Variants in CAPN7 observed in about 807,000 individuals in gnomAD.
CAPN7 encodes calpain-7.
Under a neutral mutation model 115.2 loss-of-function variants are expected in CAPN7, and 72 were observed. The observed-to-expected ratio is 0.63, with a 90% CI of 0.52 to 0.76. CAPN7 has a LOEUF of 0.76. Among genes scored for constraint, CAPN7 ranks in the 30% least tolerant of loss-of-function variants. The pLI is 0.00. For missense variants in CAPN7, 905 were observed against 971.5 expected (o/e 0.93, Z 0.91); for synonymous variants, 344 against 322.3 (o/e 1.07, Z -0.72).
intron 14 of CAPN7, among the ~76,000 whole-genome samples, 164 bp downstream of exon 14, chr3:15,241,017 C>T (rs528881771): frequency 6.6e-6 from 1 of 152,210 alleles, no homozygotes; most frequent in South Asian, 2.1e-4. Flanking sequence ...CCAGGTTGGG[C>T]AACATGGCAA....
intron 19 of CAPN7, among the ~76,000 whole-genome samples, chr3:15,248,493 A>T (rs981179698): frequency 5.9e-5 from 9 of 152,194 alleles, no homozygotes; most frequent in Non-Finnish European, 1.3e-4. Context: ...TAAAACTATA[A>T]AGCAGAGCAA....
chr3:15,232,504 G>T lies in CAPN7; in HGVS notation c.1033-15G>T. 1 of 1,590,020 alleles carries T rather than the reference G, an allele frequency of 6.3e-7. No individual in the cohort carries two copies. Among genetic ancestry groups the T allele is most frequent in the Non-Finnish European group, 8.5e-7 (1 of 1,170,770 alleles). ...ATTTTGTGCACCTAAGAAGGTTAAT[G>T]TTCTCTTTCTCCAGGTGATAATTGA... is the stretch of plus-strand genomic sequence containing the variant. On this transcript the variant is annotated splice_polypyrimidine_tract_variant and intron_variant, in intron 9 of 20. Transcript: ENST00000253693.
At chr3:15,232,761 G>C in intron 10 of CAPN7, 96 bp downstream of exon 10, 1 of 1,048,558 alleles carries the variant, frequency 9.5e-7, no homozygotes, top group South Asian at 1.9e-5. Context: ...TTGTTTATAG[G>C]GAAAGAGAGC....
At chr3:15,244,504 A>T (rs1011952470) in intron 16 of CAPN7, among the ~76,000 whole-genome samples, 2 of 152,246 alleles carry the variant, frequency 1.3e-5, no homozygotes, top group African/African-American at 4.8e-5. Context: ...ATCCACAGAT[A>T]TGCCAATTCT....
intron 16 of CAPN7, among the ~76,000 whole-genome samples, chr3:15,244,276 TA>T (rs1695528425): frequency 6.6e-6 from 1 of 152,236 alleles, no homozygotes; most frequent in Non-Finnish European, 1.5e-5. Context: ...GCATGGCACA[TA>T]GTAGGTCCAG....
chr3:15,251,159 A>G lies in CAPN7; in HGVS notation c.2341A>G (p.Ile781Val). Residue 781 changes from isoleucine to valine, a missense_variant, in exon 21 of 21, where the codon ATC (isoleucine) becomes GTC (valine). Ile to Val is a conservative substitution (Grantham distance 29). Around this residue, in one of 3 missense-constraint regions of CAPN7, gnomAD observed 620 missense variants for 703.4 expected, o/e 0.88. Transcript: ENST00000253693. ...GGAATTAGAAAATATACCTTCTGGG[A>G]TCTTCAATATCATTCCTAGTACCTT... ...YLELENIPSG[I>V]FNIIPSTFLP... 2 of 1,608,090 alleles carry G rather than the reference A, an allele frequency of 1.2e-6. No homozygotes were observed. Among genetic ancestry groups the G allele is most frequent in the African/African-American group, 1.3e-5 (1 of 74,764 alleles).
At chr3:15,206,907 C>T (rs1184331498) in intron 1 of CAPN7, among the ~76,000 whole-genome samples, 1 of 152,260 alleles carries the variant, frequency 6.6e-6, no homozygotes, top group Admixed American at 6.5e-5. Flanking sequence ...CCAATTCTTG[C>T]TGTCACTTGA....
rs1422752001 is a variant in CAPN7 at position 15,240,780 on chromosome 3, C to T, written c.1579C>T (p.Leu527Phe). The T allele has an allele frequency of 1.2e-6, 2 of 1,611,218 alleles. No individual in the cohort carries two copies. Among genetic ancestry groups the T allele is most frequent in the Admixed American group, 3.3e-5 (2 of 59,754 alleles). ...AATATTTTGGATTTCCTGGGATGAT[C>T]TCTGCCAGTATTATGATGTGATTTA... ...NGIFWISWDD[L>F]CQYYDVIYLS... The change falls in exon 14 of 21, where the codon CTC (leucine) becomes TTC (phenylalanine). Residue 527 changes from leucine to phenylalanine, a missense_variant. Leu to Phe is a conservative substitution (Grantham distance 22). This residue lies in a region of CAPN7 where 620 missense variants were observed against 703.4 expected (regional missense o/e 0.88). Transcript: ENST00000253693.
chr3:15,238,029 AAGG>A (rs1559405707), intron 12 of CAPN7, among the ~76,000 whole-genome samples: 1 of 151,782 alleles, frequency 6.6e-6, no homozygotes, highest in Non-Finnish European at 1.5e-5. Context: ...GTATATATTC[AAGG>A]AGTTTCCTAG....
intron 11 of CAPN7, among the ~76,000 whole-genome samples, chr3:15,234,663 C>T (rs541240786): frequency 6.6e-6 from 1 of 152,262 alleles, no homozygotes; most frequent in South Asian, 2.1e-4. Context: ...AACAGTGATA[C>T]ACATTCGGTT....
In CAPN7 at chr3:15,220,080, A is replaced by G. The variant is rs553493148; in HGVS notation, c.438-701A>G. On this transcript the variant is annotated intron_variant, in intron 4 of 20. Coordinates refer to ENST00000253693, the MANE Select transcript of CAPN7 (RefSeq NM_014296.3). ...GCCAGGCGTGGTGGTAGGCACCTAT[A>G]ATCCCAGCTACTCAGAAGGCTGAGG... 9.2e-5 allele frequency among the ~76,000 whole-genome samples: 14 copies of G among 152,228 alleles called. No individual in the cohort carries two copies. The East Asian group carries it at 2.7e-3, about 29-fold the overall frequency.
intron 12 of CAPN7, among the ~76,000 whole-genome samples, chr3:15,237,218 G>A (rs1224047826): frequency 6.6e-6 from 1 of 151,768 alleles, no homozygotes; most frequent in African/African-American, 2.4e-5. Context: ...CTGTACACAA[G>A]TACTTTACCT....
Position 15,233,952 on chromosome 3 carries a change from CT to C in CAPN7, c.1268del (p.Phe423SerfsTer21). 1 of 1,572,592 alleles carries C rather than the reference CT, an allele frequency of 6.4e-7. No homozygotes were observed. Among genetic ancestry groups the C allele is most frequent in the Non-Finnish European group, 8.7e-7 (1 of 1,145,782 alleles). On this transcript the variant is annotated frameshift_variant, in exon 11 of 21. Transcript: ENST00000253693. LOFTEE classifies it high-confidence loss of function. ...AGCCAAACTTTCAGTAAGGATAATT[CT>C]TTCAGAATGCTTTATCAAAGGTAAA... The part of the protein sequence containing the change: ...SDSQTFSKDN[S>X]FRMLYQRFHK...
intron 3 of CAPN7, 140 bp downstream of exon 3, chr3:15,217,722 A>G (rs1559388502): frequency 3.5e-6 from 2 of 567,870 alleles, no homozygotes; most frequent in Non-Finnish European, 5.6e-6. Flanking sequence ...CTACTCCTCA[A>G]TATAAGATGA....
At chr3:15,213,945 T>C (rs2045098024) in intron 2 of CAPN7, among the ~76,000 whole-genome samples, 1 of 151,450 alleles carries the variant, frequency 6.6e-6, no homozygotes, top group Admixed American at 6.6e-5. Flanking sequence ...AGTGGCGCGA[T>C]CTCAGCTCAC....
chr3:15,241,214 A>C (rs555730503), intron 14 of CAPN7, among the ~76,000 whole-genome samples: 3 of 152,306 alleles, frequency 2.0e-5, no homozygotes, highest in Non-Finnish European at 2.9e-5. Context: ...CAAAAAAATA[A>C]ATAAATAACG....
chr3:15,240,963 G>C (rs1015592542), intron 14 of CAPN7, 110 bp downstream of exon 14: 14 of 655,802 alleles, frequency 2.1e-5, no homozygotes, highest in African/African-American at 2.0e-4. Flanking sequence ...CCAGCACTTT[G>C]GGAGGCCGAG....
At chr3:15,213,880 T>C (rs1360411286) in intron 2 of CAPN7, among the ~76,000 whole-genome samples, 2 of 109,352 alleles carry the variant, frequency 1.8e-5, no homozygotes, top group Non-Finnish European at 3.2e-5. Context: ...TCAAAAAGGA[T>C]TTTTTTTTTT....
At chr3:15,221,980 G>A (rs543684167) in intron 5 of CAPN7, among the ~76,000 whole-genome samples, 16 of 150,938 alleles carry the variant, frequency 1.1e-4, no homozygotes, top group African/African-American at 2.2e-4. Context: ...GTGTATACAC[G>A]TGTATATACA....
Sources: gnomAD v4.1 joint callset for allele counts (sites outside exome capture counted in the v4.1 genomes callset) on GRCh38, gnomAD v4.1.1 for gene constraint, gnomAD v4.1.1 regional missense constraint, MANE v1.5 for transcripts, NCBI Gene and HGNC (gene_info 2026-07-23, HGNC 2026-07-21) for gene names.